Variants in STRN3 observed in about 807,000 individuals in gnomAD.
STRN3 encodes striatin 3, also known as striatin-3.
STRN3 carries 29 observed loss-of-function variants against 95.6 expected under a neutral mutation model. The ratio of observed to expected loss-of-function variants is 0.30; its 90% confidence interval spans 0.23 to 0.41. The LOEUF is 0.41. Ranked by LOEUF, STRN3 falls within the 10% of genes least tolerant of loss-of-function variation. The pLI is 1.00. For missense variants in STRN3, 890 were observed against 972.1 expected, an observed-to-expected ratio of 0.92 and a Z score of 1.12; for synonymous variants, 331 against 357.6, an observed-to-expected ratio of 0.93 and a Z score of 0.84.
chr14:30,987,815 G>A (rs1355359577), intron 1 of STRN3, among the ~76,000 whole-genome samples: 1 of 151,260 alleles, frequency 6.6e-6, no homozygotes, highest in Non-Finnish European at 1.5e-5. Context: ...TCTTGGTACT[G>A]CAACCTCTGC....
chr14:30,945,679 G>C (rs933631142), intron 5 of STRN3, among the ~76,000 whole-genome samples: 14 of 152,264 alleles, frequency 9.2e-5, no homozygotes, highest in Non-Finnish European at 1.8e-4. Flanking sequence ...GTATTATTCA[G>C]AAATAAAAAG....
In STRN3 at chr14:30,953,134, T is replaced by C. The variant is rs979316484; in HGVS notation, c.461-2190A>G. On this transcript the variant is annotated intron_variant, in intron 3 of 17. Transcript: ENST00000357479. The stretch of plus-strand genomic sequence containing the variant: ...TACCTATTTAACCAATCCCCTAATG[T>C]TGAAATTAGTTTCCATTTTCTATTA... Among the ~76,000 whole-genome samples, 4 of 152,208 alleles carry C rather than the reference T, an allele frequency of 2.6e-5. No individual in the cohort carries two copies. The East Asian group carries it at 7.7e-4, about 29-fold the overall frequency.
intron 1 of STRN3, chr14:31,018,391 T>A (rs1317509321): frequency 2.8e-6 from 1 of 354,930 alleles, no homozygotes; most frequent in African/African-American, 2.2e-5. Flanking sequence ...GTGTGTTGAA[T>A]GAACAATACC....
intron 1 of STRN3, among the ~76,000 whole-genome samples, chr14:31,022,107 C>G (rs1219086849): frequency 6.6e-6 from 1 of 152,098 alleles, no homozygotes; most frequent in Admixed American, 6.5e-5. Flanking sequence ...CGGCCGGGCG[C>G]GGTGGTTCAC....
At chr14:30,956,584 A>C (rs770548047) in intron 1 of STRN3, among the ~76,000 whole-genome samples, 15 of 152,140 alleles carry the variant, frequency 9.9e-5, no homozygotes, top group Non-Finnish European at 1.6e-4. Context: ...AACAAACAAA[A>C]AAAACTCATA....
chr14:31,002,585 G>A (rs1338281675), intron 1 of STRN3, among the ~76,000 whole-genome samples: 1 of 151,248 alleles, frequency 6.6e-6, no homozygotes, highest in Non-Finnish European at 1.5e-5. Flanking sequence ...AGGTTACAGT[G>A]AGCCAAGATC....
At chr14:30,913,489 AATC>A (rs1896660754) in intron 10 of STRN3, 32 bp downstream of exon 10, 1 of 1,546,760 alleles carries the variant, frequency 6.5e-7, no homozygotes, top group Non-Finnish European at 8.7e-7. Context: ...CCTTCTATTA[AATC>A]ATTAAAAAAT....
intron 1 of STRN3, among the ~76,000 whole-genome samples, chr14:30,974,003 T>G (rs928800032): frequency 6.6e-6 from 1 of 152,160 alleles, no homozygotes; most frequent in African/African-American, 2.4e-5. Context: ...ACAGCTAACA[T>G]AGTCAATGAT....
chr14:30,921,848 G>A (rs116541734), intron 8 of STRN3, among the ~76,000 whole-genome samples: 4,369 of 151,908 alleles, frequency 0.029, 75 homozygotes, highest in Non-Finnish European at 0.031. Context: ...CTTATGGCAA[G>A]AAAAACTTTT....
intron 1 of STRN3, among the ~76,000 whole-genome samples, chr14:31,012,036 C>T (rs186414136): frequency 4.6e-5 from 7 of 152,318 alleles, no homozygotes; most frequent in Non-Finnish European, 8.8e-5. Context: ...GAGCCGAGAT[C>T]GCGCAACTGC....
At chr14:31,006,863 C>T (rs148783539) in intron 1 of STRN3, among the ~76,000 whole-genome samples, 37 of 152,192 alleles carry the variant, frequency 2.4e-4, no homozygotes, top group Admixed American at 7.2e-4. Context: ...GCAATCCCAG[C>T]CACTCTGGAG....
rs146407586 is a variant in STRN3, at chr14:30,958,255, G to A, written c.283-2013C>T. Among the ~76,000 whole-genome samples, 22 of 152,224 alleles carry A rather than the reference G, an allele frequency of 1.4e-4. 2 individuals carry two copies. Among genetic ancestry groups the A allele is most frequent in the African/African-American group, 5.1e-4 (21 of 41,524 alleles). ...TTGAGCCCAGGAGTGAGGCTAGAGT[G>A]AGCTACGATCACATCACTGCCCTCC... On this transcript the variant is annotated intron_variant, in intron 1 of 17. Transcript: ENST00000357479.
intron 1 of STRN3, among the ~76,000 whole-genome samples, chr14:30,984,054 C>A (rs570503953): frequency 6.6e-6 from 1 of 151,194 alleles, no homozygotes; most frequent in South Asian, 2.1e-4. Flanking sequence ...AAAAGGATGT[C>A]TGATTTGGCC....
intron 1 of STRN3, among the ~76,000 whole-genome samples, chr14:31,001,400 G>T (rs1158463413): frequency 1.3e-5 from 2 of 151,978 alleles, no homozygotes; most frequent in Non-Finnish European, 2.9e-5. Flanking sequence ...GCCGGGCATG[G>T]TGATGTGCGC....
intron 3 of STRN3, among the ~76,000 whole-genome samples, chr14:30,955,258 T>A (rs1223659256): frequency 6.6e-6 from 1 of 152,200 alleles, no homozygotes; most frequent in Admixed American, 6.5e-5. Context: ...CTGCAAATTT[T>A]ATGTATGGTG....
chr14:30,895,471 G>A lies in STRN3; in HGVS notation c.2334C>T (p.His778=). 1 of 1,614,056 alleles carries A rather than the reference G, an allele frequency of 6.2e-7. No homozygotes were observed. The highest frequency in any genetic ancestry group is 8.5e-7 in the Non-Finnish European group (1 of 1,179,994). Reference sequence around the variant, plus strand: ...CACTAGCTATATATGCTTTTGACGAGTGGAAAGCAACATCATAAATTGATT... The same window carrying A: ...CACTAGCTATATATGCTTTTGACGAATGGAAAGCAACATCATAAATTGATT... ...LDESIYDVAF[H]SSKAYIASAG... The change falls in exon 18 of 18, where the codon CAC becomes CAT. Residue 778 remains histidine (H), a synonymous_variant. Coordinates refer to ENST00000357479, the MANE Select transcript of STRN3 (RefSeq NM_001083893.2).
chr14:31,013,223 A>G (rs1051803507), intron 1 of STRN3, among the ~76,000 whole-genome samples: 16 of 151,824 alleles, frequency 1.1e-4, no homozygotes, highest in African/African-American at 3.9e-4. Flanking sequence ...AACAACAACA[A>G]AATTAGTCAG....
At chr14:30,957,774 G>C (rs556667339) in intron 1 of STRN3, among the ~76,000 whole-genome samples, 1 of 151,996 alleles carries the variant, frequency 6.6e-6, no homozygotes, top group Non-Finnish European at 1.5e-5. Flanking sequence ...ACTGGCATCT[G>C]TCTGGGGACA....
intron 1 of STRN3, among the ~76,000 whole-genome samples, chr14:30,958,459 C>G (rs1430152563): frequency 6.6e-6 from 1 of 152,228 alleles, no homozygotes; most frequent in Non-Finnish European, 1.5e-5. Flanking sequence ...CACTTACTCT[C>G]TATCAAGCTG....
Sources: gnomAD v4.1 joint callset for allele counts (sites outside exome capture counted in the v4.1 genomes callset) on GRCh38, gnomAD v4.1.1 for gene constraint, MANE v1.5 for transcripts, NCBI Gene and HGNC (gene_info 2026-07-23, HGNC 2026-07-21) for gene names.